Variants in SRP72 observed in about 807,000 individuals in gnomAD.
SRP72 encodes signal recognition particle 72.
Under a neutral mutation model 96.3 loss-of-function variants are expected in SRP72, and 49 were observed. That is an observed-to-expected ratio of 0.51 (90% CI 0.40 to 0.65). The LOEUF is 0.65. SRP72 is among the 30% of genes least tolerant of loss of function. The probability of loss-of-function intolerance (pLI) is 0.00; values close to 1 mark genes in which losing one functional copy is unlikely to be tolerated. For missense variants in SRP72, 736 were observed against 793.3 expected, an observed-to-expected ratio of 0.93 and a Z score of 0.87; for synonymous variants, 267 against 275.2, an observed-to-expected ratio of 0.97 and a Z score of 0.30.
chr4:56,499,443 A>G (rs1309675234), intron 17 of SRP72, among the ~76,000 whole-genome samples: 1 of 152,240 alleles, frequency 6.6e-6, no homozygotes, highest in Non-Finnish European at 1.5e-5. Flanking sequence ...TAAACAGCCA[A>G]CTTACAGAAT....
chr4:56,474,294 C>T lies in SRP72; in HGVS notation c.513C>T (p.Leu171=). 1.2e-6 allele frequency: 2 copies of T among 1,613,974 alleles called. No homozygotes were observed. The highest frequency in any genetic ancestry group is 1.7e-6 in the Non-Finnish European group (2 of 1,179,946). The change falls in exon 5 of 19, where the codon CTC becomes CTT. Residue 171 remains leucine (L), a synonymous_variant. Transcript: ENST00000642900. ...TCCCCTGACAGGAGAACCTGGGCCT[C>T]CAAGAAGGCACACATGAGCTGTGCT... ...WEKVVPENLG[L]QEGTHELCYN...
At chr4:56,471,304 C>G (rs533971294) in intron 2 of SRP72, among the ~76,000 whole-genome samples, 3 of 152,166 alleles carry the variant, frequency 2.0e-5, no homozygotes, top group African/African-American at 7.2e-5. Flanking sequence ...GTTACTGTTT[C>G]TTTGCTAATC....
At chr4:56,500,340 A>G (rs529975723) in intron 17 of SRP72, 196 bp from the exon 18 acceptor site, 27 of 534,980 alleles carry the variant, frequency 5.0e-5, no homozygotes, top group Admixed American at 6.7e-5. Flanking sequence ...CGTTCTGCGC[A>G]TGTATCCCAG....
At chr4:56,496,501 A>G (rs574225478) in intron 17 of SRP72, among the ~76,000 whole-genome samples, 9 of 152,222 alleles carry the variant, frequency 5.9e-5, no homozygotes, top group Non-Finnish European at 1.3e-4. Context: ...TTTGTGCATT[A>G]GTAATACTGC....
At chr4:56,491,376 A>G (rs1195920745) in intron 15 of SRP72, 55 bp from the exon 16 acceptor site, 8 of 1,589,442 alleles carry the variant, frequency 5.0e-6, no homozygotes, top group Non-Finnish European at 6.9e-6. Context: ...ATATATATCT[A>G]TATAAATGTG....
At chr4:56,473,219 G>A (rs1190027905) in intron 3 of SRP72, among the ~76,000 whole-genome samples, 1 of 152,000 alleles carries the variant, frequency 6.6e-6, no homozygotes, top group East Asian at 1.9e-4. Flanking sequence ...TCGCACTTGG[G>A]GAGGCCAAGG....
rs1440524429 is a variant in SRP72 at position 56,483,179 on chromosome 4, C to A, written c.866C>A (p.Thr289Asn). The stretch of plus-strand genomic sequence containing the variant: ...GACTCCAAGAAGAAAGTGAAATTAA[C>A]CAATGCGGAAGGAGTAGAGTTTAAG... ...VFDSKKKVKLTNAEGVEFKLS... is the reference protein window; with the variant it reads ...VFDSKKKVKLNNAEGVEFKLS... Residue 289 changes from threonine to asparagine, a missense_variant, in exon 9 of 19, where the codon ACC (threonine) becomes AAC (asparagine). By Grantham distance (65) the Thr-to-Asn change is moderately conservative. Transcript: ENST00000642900. 6.2e-7 allele frequency: 1 copy of A among 1,611,552 alleles called. No individual in the cohort carries two copies. Among genetic ancestry groups the A allele is most frequent in the East Asian group, 2.2e-5 (1 of 44,758 alleles).
At position 56,469,989 on chromosome 4, in the gene SRP72, T is replaced by A. The variant is rs1272739739; in HGVS notation, c.230+216T>A. ...CTTAGAGAGTTTTTTTTTTTTTTTTTAACCACTGTGTTTCCTTTGAACCGC... is the reference window on the plus strand; with the variant it reads ...CTTAGAGAGTTTTTTTTTTTTTTTTAAACCACTGTGTTTCCTTTGAACCGC... On this transcript the variant is annotated intron_variant, in intron 2 of 18. Coordinates refer to ENST00000642900, the MANE Select transcript of SRP72 (RefSeq NM_006947.4). Among the ~76,000 whole-genome samples the A allele has an allele frequency of 3.5e-5, 5 of 144,100 alleles. No homozygotes were observed. In the Admixed American group the frequency reaches 3.7e-4, roughly 11 times the overall value. The allele number at this position is 144,100 out of a possible 152,430, so 94.5% of individuals were successfully genotyped here. A position where few individuals can be genotyped will look rare whatever the true frequency, so the allele number is the denominator to read the frequency against.
At chr4:56,495,963 T>A (rs1353219837) in intron 17 of SRP72, among the ~76,000 whole-genome samples, 1 of 152,214 alleles carries the variant, frequency 6.6e-6, no homozygotes, top group African/African-American at 2.4e-5. Context: ...TACTTGTCAT[T>A]TATATCCATC....
At chr4:56,479,962 A>G (rs1417474281) in intron 8 of SRP72, among the ~76,000 whole-genome samples, 1 of 152,226 alleles carries the variant, frequency 6.6e-6, no homozygotes, top group East Asian at 1.9e-4. Flanking sequence ...ATCTGAGACT[A>G]AAAGTAGTTA....
At chr4:56,474,658 C>T (rs980065020) in intron 5 of SRP72, 129 of 524,696 alleles carry the variant, frequency 2.5e-4, no homozygotes, top group Non-Finnish European at 4.0e-4. Flanking sequence ...ATTCTCCTGC[C>T]TCAGCCTCCC....
At chr4:56,485,517 G>A (rs905330341) in intron 10 of SRP72, among the ~76,000 whole-genome samples, 16 of 151,846 alleles carry the variant, frequency 1.1e-4, no homozygotes, top group Non-Finnish European at 2.4e-4. Context: ...TTTTGTGGGG[G>A]TCGCCAGGCG....
At chr4:56,479,650 A>T (rs1299492634) in intron 8 of SRP72, among the ~76,000 whole-genome samples, 4 of 150,096 alleles carry the variant, frequency 2.7e-5, no homozygotes, top group Non-Finnish European at 5.9e-5. Context: ...CGGCTAATTT[A>T]AAAAAAAATT....
intron 9 of SRP72, among the ~76,000 whole-genome samples, chr4:56,484,453 A>AT (rs886928327): frequency 1.5e-4 from 23 of 152,250 alleles, no homozygotes; most frequent in African/African-American, 4.8e-4. Flanking sequence ...GATGTGTTTG[A>AT]TTTTTTTAAA....
chr4:56,482,922 A>G (rs554360296), intron 8 of SRP72, among the ~76,000 whole-genome samples: 14 of 152,344 alleles, frequency 9.2e-5, no homozygotes, highest in African/African-American at 3.4e-4. Context: ...GGATAACTAT[A>G]TGTACATGAG....
At chr4:56,501,141 C>G (rs1041648614) in intron 18 of SRP72, among the ~76,000 whole-genome samples, 1 of 152,202 alleles carries the variant, frequency 6.6e-6, no homozygotes, top group Non-Finnish European at 1.5e-5. Flanking sequence ...GGCGCAGTGG[C>G]TCACGCCTGT....
intron 12 of SRP72, chr4:56,489,116 A>G (rs1720819862): frequency 6.7e-6 from 2 of 296,696 alleles, no homozygotes; most frequent in Non-Finnish European, 1.3e-5. Flanking sequence ...CTTATTCTCA[A>G]CTTCTGTACT....
At position 56,469,620 on chromosome 4, in the gene SRP72, TTAAAAATGACTTTTCC is replaced by T. The variant is rs1234567528; in HGVS notation, c.110-27_110-12del. The T allele has an allele frequency of 3.3e-6, 5 of 1,521,054 alleles. No individual in the cohort carries two copies. Among genetic ancestry groups the T allele is most frequent in the Non-Finnish European group, 4.5e-6 (5 of 1,120,146 alleles). The allele number at this position is 1,521,054 out of a possible 1,614,324, so 94.2% of individuals were successfully genotyped here. A position where few individuals can be genotyped will look rare whatever the true frequency, so the allele number is the denominator to read the frequency against. ...GTAAAAATGTGAAAAGGAAATGGAT[TTAAAAATGACTTTTCC>T]TAAAATTGTTCTCTAGTACTACAGA... On this transcript the variant is annotated splice_polypyrimidine_tract_variant and intron_variant, in intron 1 of 18. Coordinates refer to ENST00000642900, the MANE Select transcript of SRP72 (RefSeq NM_006947.4).
rs1282273094 is a variant in SRP72 at position 56,503,102 on chromosome 4, C to T, written c.*1241C>T. The T allele has an allele frequency of 5.3e-5, 8 of 152,172 alleles. No homozygotes were observed. Among genetic ancestry groups the T allele is most frequent in the Non-Finnish European group, 4.4e-5 (3 of 68,028 alleles). The allele number at this position is 152,172 out of a possible 1,614,324, so 9.4% of individuals were successfully genotyped here. A position where few individuals can be genotyped will look rare whatever the true frequency, so the allele number is the denominator to read the frequency against. On this transcript the variant is annotated 3_prime_UTR_variant, in exon 19 of 19. Transcript: ENST00000642900. ...GCTGTGTTTGACTCTGAACATACTA[C>T]CAAAACTTCTTCAAAGAGTTTTTTA...
Sources: allele counts gnomAD v4.1 joint callset (sites outside exome capture counted in the v4.1 genomes callset), GRCh38; gene constraint gnomAD v4.1.1; transcripts MANE v1.5; gene names NCBI Gene and HGNC (gene_info 2026-07-23, HGNC 2026-07-21).